The following CLDN14 variants were observed in gnomAD, a reference collection of about 807,000 sequenced individuals.
CLDN14 encodes the protein claudin-14.
A neutral mutation model predicts 2.1 loss-of-function variants in CLDN14; 2 were observed. That is an observed-to-expected ratio of 0.96 (90% CI 0.39 to 3.01). The LOEUF (loss-of-function observed/expected upper bound fraction) is 3.01, where lower values mean the gene tolerates loss of function less well. CLDN14 is among the 30% of genes most tolerant of loss of function. The pLI is 0.09. For missense variants in CLDN14, 298 were observed against 328.0 expected, an observed-to-expected ratio of 0.91 and a Z score of 0.71; for synonymous variants, 136 against 154.4, an observed-to-expected ratio of 0.88 and a Z score of 0.88.
intron 1 of CLDN14, among the ~76,000 whole-genome samples, chr21:36,568,238 G>C (rs1009885658): frequency 1.3e-5 from 2 of 152,066 alleles, no homozygotes; most frequent in African/African-American, 4.8e-5. Context: ...GTGGACAAAG[G>C]GTTCTACTTG....
At chr21:36,509,515 G>A (rs1483525335) in intron 2 of CLDN14, among the ~76,000 whole-genome samples, 7 of 152,216 alleles carry the variant, frequency 4.6e-5, no homozygotes, top group Admixed American at 4.6e-4. Context: ...AGTCCCTGTT[G>A]AGAGGGAGTG....
chr21:36,500,945 G>A (rs939920714), intron 2 of CLDN14, among the ~76,000 whole-genome samples: 36 of 152,200 alleles, frequency 2.4e-4, no homozygotes, highest in Non-Finnish European at 8.8e-5. Flanking sequence ...TCTACGCAGG[G>A]GGTATGATTA....
In CLDN14 at chr21:36,561,705, A is replaced by G. The variant is rs76399980; in HGVS notation, c.-220+14706T>C. 8.3e-4 allele frequency among the ~76,000 whole-genome samples: 127 copies of G among 152,242 alleles called. 6 individuals are homozygous for G. The East Asian group carries it at 0.024, about 29-fold the overall frequency. ...CTTCTCTACTCACTTCAATGTAGCA[A>G]ATGCACCTCCCTCTCCCTGAGTCTC... On this transcript the variant is annotated intron_variant, in intron 1 of 2. Coordinates refer to the CLDN14 transcript ENST00000342108.
At chr21:36,468,502 G>A (rs2086673264) in intron 1 of CLDN14, among the ~76,000 whole-genome samples, 2 of 152,138 alleles carry the variant, frequency 1.3e-5, no homozygotes, top group Admixed American at 6.5e-5. Flanking sequence ...CTTGAAGGTT[G>A]CAGTGAGCTA....
intron 1 of CLDN14, among the ~76,000 whole-genome samples, chr21:36,569,751 C>T (rs1256840294): frequency 5.9e-5 from 9 of 152,332 alleles, no homozygotes; most frequent in Admixed American, 4.6e-4. Context: ...GAGCCATGGG[C>T]AGCCTCCCAA....
intron 1 of CLDN14, among the ~76,000 whole-genome samples, chr21:36,523,957 A>C (rs1210882057): frequency 6.6e-6 from 1 of 151,746 alleles, no homozygotes; most frequent in Admixed American, 6.6e-5. Context: ...ACAAAGCAGC[A>C]CTCTTACCAC....
chr21:36,478,802 T>G (rs2146445843), intron 1 of CLDN14, among the ~76,000 whole-genome samples: 1 of 152,350 alleles, frequency 6.6e-6, no homozygotes, highest in East Asian at 1.9e-4. Context: ...ACACTAATCC[T>G]GGTTCCTTTT....
intron 1 of CLDN14, among the ~76,000 whole-genome samples, chr21:36,468,148 C>T (rs191638166): frequency 2.0e-5 from 3 of 152,308 alleles, no homozygotes; most frequent in Admixed American, 6.5e-5. Flanking sequence ...AATGAAGTGC[C>T]ACCTTCAAAT....
At chr21:36,556,457 C>A (rs776722691) in intron 1 of CLDN14, among the ~76,000 whole-genome samples, 18 of 152,140 alleles carry the variant, frequency 1.2e-4, no homozygotes, top group Non-Finnish European at 2.5e-4. Context: ...GGTAGGAAGA[C>A]CACAGCTTTT....
At chr21:36,524,157 C>T (rs1416375541) in intron 1 of CLDN14, among the ~76,000 whole-genome samples, 1 of 151,552 alleles carries the variant, frequency 6.6e-6, no homozygotes, top group African/African-American at 2.4e-5. Flanking sequence ...CTTGCTCTGT[C>T]GCCCAGGCTG....
At chr21:36,541,302 A>T (rs2146510714) in intron 1 of CLDN14, among the ~76,000 whole-genome samples, 1 of 152,348 alleles carries the variant, frequency 6.6e-6, no homozygotes, top group South Asian at 2.1e-4. Flanking sequence ...TTTAAAGATG[A>T]TTTGAAATGA....
chr21:36,548,447 C>A (rs186960390), intron 1 of CLDN14, among the ~76,000 whole-genome samples: 2 of 152,190 alleles, frequency 1.3e-5, no homozygotes, highest in Admixed American at 6.5e-5. Context: ...CAAACAGCCC[C>A]GCCCCAGAGG....
At chr21:36,472,437 A>C (rs988487537) in intron 1 of CLDN14, among the ~76,000 whole-genome samples, 1 of 152,178 alleles carries the variant, frequency 6.6e-6, no homozygotes, top group East Asian at 1.9e-4. Flanking sequence ...GTGATGATCA[A>C]TTTTTTGTGT....
intron 1 of CLDN14, among the ~76,000 whole-genome samples, chr21:36,548,893 A>G (rs1411348250): frequency 6.6e-6 from 1 of 152,188 alleles, no homozygotes; most frequent in African/African-American, 2.4e-5. Context: ...CAGTGACCCC[A>G]GTGGCTGCCC....
chr21:36,481,315 T>A (rs1568851159), upstream of CLDN14, among the ~76,000 whole-genome samples: 1 of 152,188 alleles, frequency 6.6e-6, no homozygotes, highest in African/African-American at 2.4e-5. Context: ...GGAGATAGAA[T>A]CATCGCCTTT....
At chr21:36,528,704 C>T (rs756900648) in intron 1 of CLDN14, among the ~76,000 whole-genome samples, 4 of 152,202 alleles carry the variant, frequency 2.6e-5, no homozygotes, top group African/African-American at 9.7e-5. Context: ...CACCCTGGGC[C>T]GCAGGCTGGC....
rs370342285 is a variant in CLDN14 at position 36,461,349 on chromosome 21, G to A, written c.347C>T (p.Thr116Ile). ...GAGGGTGCCGCCGAGGATGGCAAAGGTGGTCTTGGCGGGTGTGCCCTTGGC... is the reference window on the plus strand; with the variant it reads ...GAGGGTGCCGCCGAGGATGGCAAAGATGGTCTTGGCGGGTGTGCCCTTGGC... The part of the protein sequence containing the change: ...RCAKGTPAKT[T>I]FAILGGTLFI... The change falls in exon 2 of 2, where the codon ACC becomes ATC. Residue 116 changes from threonine to isoleucine, a missense_variant. Transcript: ENST00000399135. 4 of 1,613,446 alleles carry A rather than the reference G, an allele frequency of 2.5e-6. No homozygotes were observed. The highest frequency in any genetic ancestry group is 2.7e-5 in the African/African-American group (2 of 74,944).
chr21:36,480,604 C>A (rs7278260), upstream of CLDN14: 2 of 152,172 alleles, frequency 1.3e-5, no homozygotes, highest in African/African-American at 4.8e-5. Flanking sequence ...AGCCAGCACC[C>A]TGAGTGGCTC....
At chr21:36,465,199 G>A (rs567550774) in intron 1 of CLDN14, among the ~76,000 whole-genome samples, 4 of 152,294 alleles carry the variant, frequency 2.6e-5, no homozygotes, top group East Asian at 3.9e-4. Flanking sequence ...GCCACACAGG[G>A]TGTCCCTGGT....
Sources: gnomAD v4.1 joint callset for allele counts (sites outside exome capture counted in the v4.1 genomes callset) on GRCh38, gnomAD v4.1.1 for gene constraint, MANE v1.5 for transcripts, NCBI Gene and HGNC (gene_info 2026-07-23, HGNC 2026-07-21) for gene names.